The following POTEE variants were observed in gnomAD, a reference collection of about 807,000 sequenced individuals.
POTEE encodes the protein ANKRD26-like family C member 1A.
Under a neutral mutation model 74.2 loss-of-function variants are expected in POTEE, and 21 were observed. The observed-to-expected ratio is 0.28, with a 90% confidence interval of 0.20 to 0.41. The LOEUF is 0.41. Among genes scored for constraint, POTEE ranks in the 10% least tolerant of loss-of-function variants. The pLI is 1.00. For synonymous variants in POTEE, 211 were observed against 432.8 expected, an observed-to-expected ratio of 0.49 and a Z score of 6.36; for missense variants, 525 against 1,158.6, an observed-to-expected ratio of 0.45 and a Z score of 7.94.
At chr2:131,231,836 T>G (rs1417255453) in intron 9 of POTEE, among the ~76,000 whole-genome samples, 1 of 152,180 alleles carries the variant, frequency 6.6e-6, no homozygotes, top group Non-Finnish European at 1.5e-5. Context: ...TGTGGACACC[T>G]AATACATTTA....
In POTEE at chr2:131,263,483, T is replaced by G. The variant is rs1399867890; in HGVS notation, c.2028T>G (p.Tyr676Ter). ...KHQSQLREKKYLEDIESVKKK... is the reference protein window; with the variant it reads ...KHQSQLREKK ...AGAGCCAGCTAAGAGAAAAGAAATATTTGGAGGATATTGAAAGTGTGAAAA... is the reference window on the plus strand; with the variant it reads ...AGAGCCAGCTAAGAGAAAAGAAATAGTTGGAGGATATTGAAAGTGTGAAAA... Residue 676 changes from tyrosine (Y) to a stop codon, truncating the protein, a stop_gained, in exon 18 of 18, where the codon TAT becomes TAG. Transcript: ENST00000683005. LOFTEE classifies it high-confidence loss of function. 6.8e-6 allele frequency: 11 copies of G among 1,611,682 alleles called. No individual in the cohort carries two copies. Among genetic ancestry groups the G allele is most frequent in the Non-Finnish European group, 2.5e-6 (3 of 1,179,738 alleles).
At chr2:131,227,360 A>G (rs560650472) in intron 7 of POTEE, among the ~76,000 whole-genome samples, 1 of 149,236 alleles carries the variant, frequency 6.7e-6, no homozygotes, top group Admixed American at 6.6e-5. Flanking sequence ...TGTCTTTTTA[A>G]TGACTTTGCT....
chr2:131,233,872 A>C (rs1409917434), intron 9 of POTEE, among the ~76,000 whole-genome samples: 1 of 150,398 alleles, frequency 6.6e-6, no homozygotes, highest in Non-Finnish European at 1.5e-5. Flanking sequence ...TTTAACCTGG[A>C]TGTGAGGACG....
At chr2:131,230,949 A>G (rs1700934865) in intron 9 of POTEE, 43 bp downstream of exon 9, 2 of 1,545,124 alleles carry the variant, frequency 1.3e-6, no homozygotes, top group Non-Finnish European at 1.7e-6. Flanking sequence ...GTTGTCCCCA[A>G]CCTTTTTGAC....
chr2:131,222,075 C>A (rs538901338), intron 4 of POTEE, among the ~76,000 whole-genome samples: 735 of 151,716 alleles, frequency 4.8e-3, no homozygotes, highest in African/African-American at 0.017. Flanking sequence ...TTCCTCCCTC[C>A]TTTCAAACAG....
At chr2:131,229,908 G>A (rs966584905) in intron 8 of POTEE, among the ~76,000 whole-genome samples, 1 of 151,938 alleles carries the variant, frequency 6.6e-6, no homozygotes, top group Non-Finnish European at 1.5e-5. Flanking sequence ...TATGTATGTC[G>A]AAAATTACAG....
intron 8 of POTEE, 27 bp downstream of exon 8, chr2:131,228,408 TA>T (rs753268221): frequency 6.2e-7 from 1 of 1,606,762 alleles, no homozygotes; most frequent in African/African-American, 1.4e-5. Context: ...AAAGGCTAGT[TA>T]ATGCTGAATT....
intron 2 of POTEE, among the ~76,000 whole-genome samples, 170 bp downstream of exon 2, chr2:131,211,353 G>T (rs1458664098): frequency 6.6e-6 from 1 of 151,556 alleles, no homozygotes; most frequent in Admixed American, 6.6e-5. Context: ...GACCTGGGGT[G>T]GGGAGGAACC....
rs1277680189 is a variant in POTEE, at chr2:131,230,728, C to G, written c.1056-108C>G. On this transcript the variant is annotated intron_variant, in intron 8 of 17. Transcript: ENST00000683005. Reference sequence around the variant, plus strand: ...GTGGATGGGATAATACTATTAAGTTCTGTTATTCTGATATTGTTTGAAATA... The same window carrying G: ...GTGGATGGGATAATACTATTAAGTTGTGTTATTCTGATATTGTTTGAAATA... The G allele has an allele frequency of 1.1e-5, 14 of 1,250,788 alleles. 1 individual carries two copies. Among genetic ancestry groups the G allele is most frequent in the African/African-American group, 7.6e-5 (5 of 66,012 alleles). The allele number at this position is 1,250,788 out of a possible 1,614,324, so 77.5% of individuals were successfully genotyped here. A position where few individuals can be genotyped will look rare whatever the true frequency, so the allele number is the denominator to read the frequency against.
rs569694391 is a variant in POTEE, at chr2:131,229,827, A to G, written c.1056-1009A>G. On this transcript the variant is annotated intron_variant, in intron 8 of 17. Coordinates refer to ENST00000683005, the MANE Select transcript of POTEE (RefSeq NM_001083538.3). ...TGAAATTGTGATTTGTGCTGCAAAA[A>G]TAGTCATGTAAGATGGTCTATGAGA... 7 of 152,316 alleles carry G rather than the reference A, an allele frequency of 4.6e-5. 1 individual carries two copies. The South Asian group carries it at 1.4e-3, about 32-fold the overall frequency. The allele number at this position is 152,316 out of a possible 1,614,324, so 9.4% of individuals were successfully genotyped here.
At position 131,263,816 on chromosome 2, in the gene POTEE, C is replaced by T; in HGVS notation, c.2361C>T (p.His787=). The change falls in exon 18 of 18, where the codon CAC becomes CAT. Residue 787 remains histidine, a synonymous_variant. Transcript: ENST00000683005. ...GGGATGACATGGAGAAGATCTGGCACCACACCTTCTACAACGAGCTGCGTG... is the reference window on the plus strand; with the variant it reads ...GGGATGACATGGAGAAGATCTGGCATCACACCTTCTACAACGAGCTGCGTG... ...TNWDDMEKIW[H]HTFYNELRVA... 1.2e-6 allele frequency: 2 copies of T among 1,613,998 alleles called. No homozygotes were observed. The highest frequency in any genetic ancestry group is 8.5e-7 in the Non-Finnish European group (1 of 1,180,016).
intron 9 of POTEE, among the ~76,000 whole-genome samples, chr2:131,236,168 A>G (rs889745133): frequency 7.2e-5 from 11 of 152,110 alleles, no homozygotes; most frequent in African/African-American, 2.7e-4. Flanking sequence ...GACAACAGGA[A>G]CTTGCAAATA....
chr2:131,223,078 G>C (rs889132163), intron 4 of POTEE, among the ~76,000 whole-genome samples: 6 of 151,676 alleles, frequency 4.0e-5, no homozygotes, highest in Non-Finnish European at 8.8e-5. Flanking sequence ...AATGTTAGCT[G>C]TAATATTTAA....
In POTEE at chr2:131,218,582, G is replaced by C; in HGVS notation, c.180G>C (p.Lys60Asn). 2 of 1,612,686 alleles carry C rather than the reference G, an allele frequency of 1.2e-6. No homozygotes were observed. The highest frequency in any genetic ancestry group is 1.7e-6 in the Non-Finnish European group (2 of 1,179,746). Residue 60 changes from lysine to asparagine, a missense_variant, in exon 4 of 18, where the codon AAG (lysine) becomes AAC (asparagine). Transcript: ENST00000683005. ...CTGCTATGAAGACACTCAGGAGCAAGATGGGCAAGTGGTGCCACCACTGCT... is the reference window on the plus strand; with the variant it reads ...CTGCTATGAAGACACTCAGGAGCAACATGGGCAAGTGGTGCCACCACTGCT... ...DDSAMKTLRS[K>N]MGKWCHHCFP... is the part of the protein sequence containing the mutation.
In POTEE at chr2:131,209,629, G is replaced by A. The variant is rs1369044068; in HGVS notation, c.-535G>A. ...GGACACTGGCTCACTGCAGTTGGTGGTGTCCACAGAGCGGTAGGAGGGCAA... is the reference window on the plus strand; with the variant it reads ...GGACACTGGCTCACTGCAGTTGGTGATGTCCACAGAGCGGTAGGAGGGCAA... On this transcript the variant is annotated 5_prime_UTR_variant, in exon 1 of 18. The change creates a new upstream start codon in the 5' untranslated region. Coordinates refer to ENST00000683005, the MANE Select transcript of POTEE (RefSeq NM_001083538.3). 6.6e-6 allele frequency among the ~76,000 whole-genome samples: 1 copy of A among 151,926 alleles called. No homozygotes were observed. Among genetic ancestry groups the A allele is most frequent in the Non-Finnish European group, 1.5e-5 (1 of 67,980 alleles).
intron 8 of POTEE, among the ~76,000 whole-genome samples, chr2:131,230,348 A>C (rs575742530): frequency 6.6e-6 from 1 of 152,306 alleles, no homozygotes; most frequent in Non-Finnish European, 1.5e-5. Context: ...TGGGATTCCA[A>C]GATAATTTTA....
chr2:131,252,980 A>G lies in POTEE; in HGVS notation c.1659A>G (p.Pro553=), dbSNP rs1701479854. Residue 553 remains proline (P), a synonymous_variant, in exon 16 of 18, where the codon CCA becomes CCG. Transcript: ENST00000683005. ...KKHGSTHVGF[P]ENLTNGATAG... ...ACGGAAGTACTCATGTCGGATTCCC[A>G]GAAAACCTGACTAATGGTGCCACTG... 6.2e-7 allele frequency: 1 copy of G among 1,613,442 alleles called. No individual in the cohort carries two copies. The highest frequency in any genetic ancestry group is 1.7e-5 in the Admixed American group (1 of 60,002).
At chr2:131,229,491 T>C (rs1261610304) in intron 8 of POTEE, 6 of 152,198 alleles carry the variant, frequency 3.9e-5, no homozygotes, top group African/African-American at 1.2e-4. Context: ...TTTCAAACTC[T>C]AGCTCACAGG....
chr2:131,216,474 A>G (rs961902216), intron 2 of POTEE, among the ~76,000 whole-genome samples: 1 of 151,910 alleles, frequency 6.6e-6, no homozygotes, highest in East Asian at 1.9e-4. Flanking sequence ...CCTATTCAAC[A>G]TATGCTGCTG....
Sources: gnomAD v4.1 joint callset for allele counts (sites outside exome capture counted in the v4.1 genomes callset) on GRCh38, gnomAD v4.1.1 for gene constraint, MANE v1.5 for transcripts, NCBI Gene and HGNC (gene_info 2026-07-23, HGNC 2026-07-21) for gene names.